The following KDM1B variants were observed in gnomAD, a reference collection of about 807,000 sequenced individuals.
KDM1B encodes lysine-specific histone demethylase 2.
Under a neutral mutation model 107.4 loss-of-function variants are expected in KDM1B, and 63 were observed. That is an observed-to-expected ratio of 0.59 (90% confidence interval 0.48 to 0.72). The LOEUF is 0.72. Ranked by LOEUF, KDM1B falls within the 30% of genes least tolerant of loss-of-function variation. The pLI, the probability that KDM1B is intolerant of heterozygous loss-of-function variation, is 0.00. For synonymous variants in KDM1B, 363 were observed against 363.9 expected (o/e 1.00, Z 0.03); for missense variants, 749 against 1,020.8 (o/e 0.73, Z 3.63).
chr6:18,160,003 C>G, intron 3 of KDM1B, 21 bp downstream of exon 3: 3 of 1,509,754 alleles, frequency 2.0e-6, no homozygotes, highest in Non-Finnish European at 2.7e-6. Flanking sequence ...TTTATTCATT[C>G]AACAAGCCTT....
intron 9 of KDM1B, among the ~76,000 whole-genome samples, chr6:18,189,481 A>T (rs991708879): frequency 6.6e-6 from 1 of 152,236 alleles, no homozygotes; most frequent in Non-Finnish European, 1.5e-5. Context: ...AAATCCAAAG[A>T]TAGGTACAAA....
At position 18,200,687 on chromosome 6, in the gene KDM1B, C is replaced by T. The variant is rs1787976217; in HGVS notation, c.1359+111C>T. ...AGTAAATTACATATAACAGCCCCCTCATCTCCTATGCAAAGCAGTAAGAAT... is the reference window on the plus strand; with the variant it reads ...AGTAAATTACATATAACAGCCCCCTTATCTCCTATGCAAAGCAGTAAGAAT... On this transcript the variant is annotated intron_variant, in intron 13 of 21. Coordinates refer to ENST00000650836, the MANE Select transcript of KDM1B (RefSeq NM_001364614.2). The surrounding 1 kb of genome is among the most constrained non-coding windows in gnomAD (Gnocchi z 4.3). The T allele has an allele frequency of 9.2e-6, 8 of 867,212 alleles. No homozygotes were observed. In the South Asian group the frequency reaches 1.1e-4, roughly 12 times the overall value. The allele number at this position is 867,212 out of a possible 1,614,324, so 53.7% of individuals were successfully genotyped here.
At position 18,204,290 on chromosome 6, in the gene KDM1B, G is replaced by C. The variant is rs1788229376; in HGVS notation, c.1532-1247G>C. Among the ~76,000 whole-genome samples the C allele has an allele frequency of 6.6e-6, 1 of 152,064 alleles. No individual in the cohort carries two copies. The highest frequency in any genetic ancestry group is 1.5e-5 in the Non-Finnish European group (1 of 68,008). On this transcript the variant is annotated intron_variant, in intron 14 of 21. Coordinates refer to ENST00000650836, the MANE Select transcript of KDM1B (RefSeq NM_001364614.2). This position sits in a 1 kb window ranked among gnomAD's most constrained non-coding sequence, Gnocchi z 4.9. ...TCTTGAGCTCAGGAGTTTGAGACCA[G>C]CCTGGGCAACATGGTGAAACCCATC...
chr6:18,221,941 A>AG lies in KDM1B; in HGVS notation c.2422dup (p.Ala808GlyfsTer108). ...ACAGGCATTTCCCACAAACTGTTAC[A>AG]GGGGCATATTTGAGTGGCGTTCGAG... is the stretch of plus-strand genomic sequence containing the variant. On this transcript the variant is annotated frameshift_variant, in exon 22 of 22. Coordinates refer to ENST00000650836, the MANE Select transcript of KDM1B (RefSeq NM_001364614.2). LOFTEE classifies it high-confidence loss of function. The AG allele has an allele frequency of 3.1e-6, 5 of 1,612,918 alleles. No individual in the cohort carries two copies. Among genetic ancestry groups the AG allele is most frequent in the Non-Finnish European group, 4.2e-6 (5 of 1,179,216 alleles).
At chr6:18,174,483 G>A (rs373125876) in intron 7 of KDM1B, among the ~76,000 whole-genome samples, 4 of 151,992 alleles carry the variant, frequency 2.6e-5, no homozygotes, top group African/African-American at 9.7e-5. Context: ...TTATTTTTCT[G>A]TAGGTTATTG....
chr6:18,194,058 T>A (rs1295491302), intron 10 of KDM1B, among the ~76,000 whole-genome samples: 1 of 152,092 alleles, frequency 6.6e-6, no homozygotes, highest in Non-Finnish European at 1.5e-5. Context: ...GTGTTTTTAG[T>A]AGAGACAGGG....
intron 7 of KDM1B, among the ~76,000 whole-genome samples, chr6:18,179,039 T>A (rs60761025): frequency 0.13 from 20,187 of 152,276 alleles, 1,417 homozygotes; most frequent in South Asian, 0.19. Context: ...GTGTTGGCTA[T>A]AGCTCTTTGT....
chr6:18,180,316 T>G (rs1311673740), intron 7 of KDM1B, among the ~76,000 whole-genome samples: 1 of 152,070 alleles, frequency 6.6e-6, no homozygotes, highest in East Asian at 1.9e-4. Context: ...GCACTAAACT[T>G]AACTACCTGT....
At chr6:18,187,098 T>C (rs538291406) in intron 8 of KDM1B, among the ~76,000 whole-genome samples, 1 of 152,262 alleles carries the variant, frequency 6.6e-6, no homozygotes, top group Non-Finnish European at 1.5e-5. Flanking sequence ...TACCATGGAT[T>C]GTGGCAGTGT....
rs1786862024 is a variant in KDM1B, at chr6:18,186,532, A to G, written c.573+722A>G. On this transcript the variant is annotated intron_variant, in intron 8 of 21. Transcript: ENST00000650836. This position sits in a 1 kb window ranked among gnomAD's most constrained non-coding sequence, Gnocchi z 5.6. ...TCAGGCAAAGACAGCATTGACTTTT[A>G]GCAAATCTACTTTAAATCCATTCTG... 1.3e-5 allele frequency among the ~76,000 whole-genome samples: 2 copies of G among 152,174 alleles called. No homozygotes were observed. The highest frequency in any genetic ancestry group is 4.1e-4 in the South Asian group (2 of 4,832).
In KDM1B at chr6:18,191,231, C is replaced by G; in HGVS notation, c.819C>G (p.Tyr273Ter). The G allele has an allele frequency of 6.4e-7, 1 of 1,550,584 alleles. No individual in the cohort carries two copies. ...TGAACCGATACTTCCAGCCTTTCTACCAGCCCAATGAGTGTGGCAAAGCCC... is the reference window on the plus strand; with the variant it reads ...TGAACCGATACTTCCAGCCTTTCTAGCAGCCCAATGAGTGTGGCAAAGCCC... ...PGMNRYFQPFYQPNECGKALC... is the reference protein window; with the variant it reads ...PGMNRYFQPF Residue 273 changes from tyrosine to a stop codon, truncating the protein, a stop_gained, in exon 10 of 22, where the codon TAC becomes TAG. Coordinates refer to ENST00000650836, the MANE Select transcript of KDM1B (RefSeq NM_001364614.2). LOFTEE classifies it high-confidence loss of function. The surrounding 1 kb of genome is among the most constrained non-coding windows in gnomAD (Gnocchi z 5.1).
In KDM1B at chr6:18,201,367, A is replaced by AT. The variant is rs1788019055; in HGVS notation, c.1360-114dup. On this transcript the variant is annotated intron_variant, in intron 13 of 21. Coordinates refer to ENST00000650836, the MANE Select transcript of KDM1B (RefSeq NM_001364614.2). The surrounding 1 kb of genome is among the most constrained non-coding windows in gnomAD (Gnocchi z 4.3). ...TTCCCCGTGAAGCATATTTAGCTTT[A>AT]TTTTTGAGAGATATGAGACCATTTT... 1 of 704,822 alleles carries AT rather than the reference A, an allele frequency of 1.4e-6. No individual in the cohort carries two copies. Among genetic ancestry groups the AT allele is most frequent in the Non-Finnish European group, 2.3e-6 (1 of 429,930 alleles). The allele number at this position is 704,822 out of a possible 1,614,324, so 43.7% of individuals were successfully genotyped here. A position where few individuals can be genotyped will look rare whatever the true frequency, so the allele number is the denominator to read the frequency against.
Position 18,162,757 on chromosome 6 carries a change from C to A in KDM1B, c.216-78C>A. 1.2e-6 allele frequency: 1 copy of A among 818,154 alleles called. No individual in the cohort carries two copies. The highest frequency in any genetic ancestry group is 2.1e-6 in the Non-Finnish European group (1 of 472,878). 50.7% of individuals were successfully genotyped at this position (818,154 alleles called of 1,614,324 possible). On this transcript the variant is annotated intron_variant, in intron 4 of 21. Transcript: ENST00000650836. The surrounding 1 kb of genome is among the most constrained non-coding windows in gnomAD (Gnocchi z 4.1). ...ATGCAAAATGGGTTCATAGATGGTGCTTGCAAGATGTTTTTTAAAAAATGG... is the reference window on the plus strand; with the variant it reads ...ATGCAAAATGGGTTCATAGATGGTGATTGCAAGATGTTTTTTAAAAAATGG...
Position 18,162,380 on chromosome 6 carries a change from G to A in KDM1B, c.216-455G>A, listed in dbSNP as rs1257872382. On this transcript the variant is annotated intron_variant, in intron 4 of 21. Transcript: ENST00000650836. This position sits in a 1 kb window ranked among gnomAD's most constrained non-coding sequence, Gnocchi z 4.1. ...AGACGTGGTGATCGTGTTCATAGTG[G>A]CATGATTTTTCATTCTCTTGCTATA... 6.6e-6 allele frequency among the ~76,000 whole-genome samples: 1 copy of A among 152,088 alleles called. No homozygotes were observed. The highest frequency in any genetic ancestry group is 1.5e-5 in the Non-Finnish European group (1 of 68,018).
rs77332446 is a variant in KDM1B, at chr6:18,222,046, C to T, written c.*54C>T. The T allele has an allele frequency of 6.6e-3, 9,665 of 1,474,100 alleles. 55 individuals carry two copies. Among genetic ancestry groups the T allele is most frequent in the South Asian group, 0.016 (1,442 of 88,266 alleles). The allele number at this position is 1,474,100 out of a possible 1,614,324, so 91.3% of individuals were successfully genotyped here. A position where few individuals can be genotyped will look rare whatever the true frequency, so the allele number is the denominator to read the frequency against. ...ACCCCAGATGGGGAAATTTGAATCA[C>T]ATGTTAAACCTCAGTTTTATAAGAG... On this transcript the variant is annotated 3_prime_UTR_variant, in exon 22 of 22. Transcript: ENST00000650836.
Position 18,165,761 on chromosome 6 carries a change from G to A in KDM1B, c.306-506G>A, listed in dbSNP as rs140983920. ...CCCTTGAACCCAGGAGGTGGAGGTT[G>A]CAGTGAGCCAAGATTGTGCCATTGC... On this transcript the variant is annotated intron_variant, in intron 5 of 21. Transcript: ENST00000650836. Among the ~76,000 whole-genome samples the A allele has an allele frequency of 6.0e-3, 919 of 152,316 alleles. 7 individuals are homozygous for A. Among genetic ancestry groups the A allele is most frequent in the African/African-American group, 0.021 (866 of 41,588 alleles).
At position 18,209,451 on chromosome 6, in the gene KDM1B, G is replaced by A. The variant is rs890280701; in HGVS notation, c.1866+1245G>A. On this transcript the variant is annotated intron_variant, in intron 17 of 21. Transcript: ENST00000650836. This position sits in a 1 kb window ranked among gnomAD's most constrained non-coding sequence, Gnocchi z 4.3. The stretch of plus-strand genomic sequence containing the variant: ...GACAGGTCTAGGGAATGAGTTAGTC[G>A]GGGCAGGGGATCCTAACATTATTCC... Among the ~76,000 whole-genome samples, 14 of 152,102 alleles carry A rather than the reference G, an allele frequency of 9.2e-5. No individual in the cohort carries two copies. The highest frequency in any genetic ancestry group is 2.4e-4 in the African/African-American group (10 of 41,420).
intron 5 of KDM1B, among the ~76,000 whole-genome samples, chr6:18,165,378 C>A (rs1026612733): frequency 3.3e-5 from 5 of 151,994 alleles, no homozygotes; most frequent in African/African-American, 1.2e-4. Context: ...GATCTGCCTG[C>A]CTTGGCCTCC....
At chr6:18,195,147 T>G (rs1787557073) in intron 10 of KDM1B, among the ~76,000 whole-genome samples, 1 of 152,216 alleles carries the variant, frequency 6.6e-6, no homozygotes, top group Non-Finnish European at 1.5e-5. Context: ...CTGAATAATA[T>G]TTCATTGTTC....
Sources: gnomAD v4.1 joint callset for allele counts (sites outside exome capture counted in the v4.1 genomes callset) on GRCh38, gnomAD v4.1.1 for gene constraint, Gnocchi (gnomAD v3.1) non-coding constraint, MANE v1.5 for transcripts, NCBI Gene and HGNC (gene_info 2026-07-23, HGNC 2026-07-21) for gene names.